FGF14: variants seen among roughly 807,000 people sequenced by gnomAD.
FGF14 encodes fibroblast growth factor homologous factor 4.
A neutral mutation model predicts 25.5 loss-of-function variants in FGF14; 5 were observed. The observed-to-expected ratio is 0.20, with a 90% CI of 0.10 to 0.41. FGF14 has a LOEUF of 0.41. Ranked by LOEUF, FGF14 falls within the 10% of genes least tolerant of loss-of-function variation. FGF14 has a pLI of 1.00. For missense variants in FGF14, 222 were observed against 320.1 expected, an observed-to-expected ratio of 0.69 and a Z score of 2.34; for synonymous variants, 138 against 118.3, an observed-to-expected ratio of 1.17 and a Z score of -1.08.
intron 1 of FGF14, among the ~76,000 whole-genome samples, chr13:101,981,984 A>G (rs1345161679): frequency 2.0e-5 from 3 of 152,276 alleles, no homozygotes. Context: ...TCTCAGGGGA[A>G]AATAAATGAT....
In FGF14 at chr13:101,720,801, TTTTG is replaced by T. The variant is rs1442345978; in HGVS notation, c.*2026_*2029del. The T allele has an allele frequency of 5.3e-5, 8 of 152,090 alleles. No individual in the cohort carries two copies. Among genetic ancestry groups the T allele is most frequent in the East Asian group, 3.9e-4 (2 of 5,190 alleles). 9.4% of individuals were successfully genotyped at this position (152,090 alleles called of 1,614,324 possible). ...AAATCAAAAATGACCAAAGGAATCA[TTTTG>T]TTTGTTAGATTTGTAATTTAGCATC... is the stretch of plus-strand genomic sequence containing the variant. On this transcript the variant is annotated 3_prime_UTR_variant, in exon 5 of 5. Coordinates refer to ENST00000376143, the MANE Select transcript of FGF14 (RefSeq NM_004115.4).
intron 1 of FGF14, among the ~76,000 whole-genome samples, chr13:102,392,362 T>C (rs1350772575): frequency 1.3e-5 from 2 of 152,222 alleles, no homozygotes; most frequent in Non-Finnish European, 2.9e-5. Flanking sequence ...CATAAAAACA[T>C]CTGCTATTGA....
intron 1 of FGF14, among the ~76,000 whole-genome samples, chr13:102,022,209 T>C (rs1263411304): frequency 6.6e-6 from 1 of 152,080 alleles, no homozygotes; most frequent in African/African-American, 2.4e-5. Context: ...CTCTATTCTT[T>C]AAAGGACATA....
chr13:102,148,301 T>C (rs574513352), intron 1 of FGF14, among the ~76,000 whole-genome samples: 1 of 152,214 alleles, frequency 6.6e-6, no homozygotes, highest in African/African-American at 2.4e-5. Context: ...AAAATCACTT[T>C]AATTGTTGTA....
chr13:101,968,425 G>A (rs986225860), intron 1 of FGF14, among the ~76,000 whole-genome samples: 1 of 152,032 alleles, frequency 6.6e-6, no homozygotes, highest in African/African-American at 2.4e-5. Context: ...TGTAATCCCA[G>A]CACTTTGGGA....
At chr13:102,249,109 T>C (rs1490116411) in intron 1 of FGF14, among the ~76,000 whole-genome samples, 2 of 152,054 alleles carry the variant, frequency 1.3e-5, no homozygotes, top group Non-Finnish European at 2.9e-5. Context: ...GAAACGTGAA[T>C]GGAGGCTAGA....
At chr13:102,205,020 T>C (rs1246840013) in intron 1 of FGF14, among the ~76,000 whole-genome samples, 1 of 152,068 alleles carries the variant, frequency 6.6e-6, no homozygotes, top group East Asian at 1.9e-4. Flanking sequence ...GCAATCAGAG[T>C]ATATGTATTT....
At chr13:101,780,901 A>C (rs2140028028) in intron 3 of FGF14, among the ~76,000 whole-genome samples, 1 of 152,162 alleles carries the variant, frequency 6.6e-6, no homozygotes, top group East Asian at 1.9e-4. Flanking sequence ...TCCTTGCTCT[A>C]AGAGCTCCAG....
chr13:101,908,564 C>T (rs1323085757), intron 1 of FGF14, among the ~76,000 whole-genome samples: 1 of 152,090 alleles, frequency 6.6e-6, no homozygotes, highest in South Asian at 2.1e-4. Flanking sequence ...AAGAGAACTA[C>T]AAACCACTGC....
chr13:102,342,929 GA>G (rs1305302856), intron 1 of FGF14, among the ~76,000 whole-genome samples: 7 of 152,106 alleles, frequency 4.6e-5, no homozygotes, highest in African/African-American at 1.7e-4. Context: ...AGTAAGAACT[GA>G]AATTAGAAAC....
At chr13:102,058,237 G>T (rs1162897283) in intron 1 of FGF14, among the ~76,000 whole-genome samples, 1 of 152,048 alleles carries the variant, frequency 6.6e-6, no homozygotes, top group Admixed American at 6.6e-5. Context: ...ACCGAAAAAA[G>T]GATTATTTTA....
At chr13:101,764,785 A>G (rs2038274928) in intron 3 of FGF14, among the ~76,000 whole-genome samples, 2 of 152,216 alleles carry the variant, frequency 1.3e-5, no homozygotes, top group African/African-American at 4.8e-5. Context: ...AAAATTTTCA[A>G]ATAGTCTTTA....
chr13:101,888,444 G>A (rs759564215), intron 1 of FGF14, among the ~76,000 whole-genome samples: 28 of 152,124 alleles, frequency 1.8e-4, no homozygotes, highest in African/African-American at 6.0e-4. Context: ...ATATATACAT[G>A]AATGTGTGTG....
intron 1 of FGF14, among the ~76,000 whole-genome samples, chr13:101,926,651 C>T (rs571770772): frequency 6.6e-6 from 1 of 152,244 alleles, no homozygotes; most frequent in Non-Finnish European, 1.5e-5. Flanking sequence ...GATTTAAGGC[C>T]ATAGAATCTA....
At chr13:102,373,643 G>A (rs2057950809) in intron 1 of FGF14, 1 of 152,150 alleles carries the variant, frequency 6.6e-6, no homozygotes, top group Admixed American at 6.6e-5. Flanking sequence ...ATCAACAGCT[G>A]AGTATTAAAA....
intron 1 of FGF14, among the ~76,000 whole-genome samples, chr13:102,374,196 G>A (rs753114435): frequency 1.3e-5 from 2 of 152,074 alleles, no homozygotes; most frequent in Non-Finnish European, 2.9e-5. Flanking sequence ...TAGTTTCAAA[G>A]TACAAAGAAG....
chr13:102,095,120 G>A (rs57072653), intron 1 of FGF14, among the ~76,000 whole-genome samples: 12,394 of 152,080 alleles, frequency 0.081, 1,670 homozygotes, highest in African/African-American at 0.28. Flanking sequence ...AATTCCTGCC[G>A]GAGGAAACTG....
intron 1 of FGF14, among the ~76,000 whole-genome samples, chr13:102,000,037 C>CG: frequency 6.6e-6 from 1 of 152,208 alleles, no homozygotes; most frequent in South Asian, 2.1e-4. Flanking sequence ...TCATGTTTGC[C>CG]GGGCGCGGTG....
Position 102,336,456 on chromosome 13 carries a change from G to C in FGF14, c.208+65015C>G, listed in dbSNP as rs377199889. Among the ~76,000 whole-genome samples the C allele has an allele frequency of 6.6e-5, 10 of 152,194 alleles. No homozygotes were observed. In the East Asian group the frequency reaches 7.7e-4, roughly 12 times the overall value. On this transcript the variant is annotated intron_variant, in intron 1 of 4. Transcript: ENST00000376131. ...ACAGAATTAAAAATGGAAGCTAAAA[G>C]AGGTTGATTCATAAGGTTTAGGGAA...
Sources: gnomAD v4.1 joint callset for allele counts (sites outside exome capture counted in the v4.1 genomes callset) on GRCh38, gnomAD v4.1.1 for gene constraint, MANE v1.5 for transcripts, NCBI Gene and HGNC (gene_info 2026-07-23, HGNC 2026-07-21) for gene names.